SUGCT: variants seen among roughly 807,000 people sequenced by gnomAD.
The protein encoded by SUGCT is succinyl-CoA:glutarate CoA-transferase.
Under a neutral mutation model 55.0 loss-of-function variants are expected in SUGCT, and 41 were observed. The ratio of observed to expected loss-of-function variants is 0.74; its 90% CI spans 0.58 to 0.97. The LOEUF (loss-of-function observed/expected upper bound fraction) is 0.97. Among genes scored for constraint, SUGCT ranks in the 50% least tolerant of loss-of-function variants. The pLI is 0.00. For missense variants in SUGCT, 568 were observed against 547.8 expected (o/e 1.04, Z -0.37); for synonymous variants, 187 against 200.4 (o/e 0.93, Z 0.56).
the SUGCT span, among the ~76,000 whole-genome samples, chr7:40,938,067 G>A: frequency 6.6e-6 from 1 of 152,192 alleles, no homozygotes. Flanking sequence ...GTAATGCTCA[G>A]TCACTCACTG....
At chr7:40,924,202 A>G in the SUGCT span, among the ~76,000 whole-genome samples, 2 of 152,000 alleles carry the variant, frequency 1.3e-5, no homozygotes, top group African/African-American at 4.8e-5. Flanking sequence ...ATATTTTGTT[A>G]AAGCACCCCA....
chr7:40,951,952 G>A, the SUGCT span, among the ~76,000 whole-genome samples: 1 of 152,212 alleles, frequency 6.6e-6, no homozygotes, highest in Non-Finnish European at 1.5e-5. Flanking sequence ...GGAGAGTTCT[G>A]TAGATTTCTT....
chr7:40,724,575 T>A (rs1786518594), intron 12 of SUGCT, among the ~76,000 whole-genome samples: 1 of 150,652 alleles, frequency 6.6e-6, no homozygotes, highest in Admixed American at 6.6e-5. Flanking sequence ...AAAAAAAAGC[T>A]CTGGGGGTCT....
At chr7:40,992,662 TATGAAGTAG>T in the SUGCT span, among the ~76,000 whole-genome samples, 15,682 of 152,118 alleles carry the variant, frequency 0.1, 902 homozygotes, top group South Asian at 0.21. Context: ...AGGAGGTATG[TATGAAGTAG>T]TTCTGGTTAT....
Position 40,297,245 on chromosome 7 carries a change from T to C in SUGCT, c.721-19515T>C, listed in dbSNP as rs140094316. 3.3e-3 allele frequency among the ~76,000 whole-genome samples: 504 copies of C among 152,272 alleles called. 2 individuals are homozygous for C. The highest frequency in any genetic ancestry group is 0.02 in the Middle Eastern group (6 of 294). ...GCCCATTGGTTGCAGCAAAGCCTGA[T>C]TTTTACCTAAAGCGTTTACTTTTTG... On this transcript the variant is annotated intron_variant, in intron 8 of 13. Coordinates refer to ENST00000335693, the MANE Select transcript of SUGCT (RefSeq NM_001193313.2).
intron 1 of SUGCT, among the ~76,000 whole-genome samples, chr7:40,154,874 A>C (rs1783805091): frequency 6.6e-6 from 1 of 152,222 alleles, no homozygotes; most frequent in Non-Finnish European, 1.5e-5. Context: ...TAAAAATTAA[A>C]ATGCACATCT....
chr7:40,717,515 C>T (rs547375437), intron 12 of SUGCT, among the ~76,000 whole-genome samples: 21 of 152,314 alleles, frequency 1.4e-4, no homozygotes, highest in South Asian at 1.0e-3. Flanking sequence ...AAGCCCTGGG[C>T]AGGTTCCCTC....
chr7:40,994,794 A>T, the SUGCT span, among the ~76,000 whole-genome samples: 2 of 152,132 alleles, frequency 1.3e-5, no homozygotes, highest in Non-Finnish European at 2.9e-5. Context: ...TTTGGTGACA[A>T]GTGAGTGCTT....
At chr7:40,850,520 G>A (rs1793799483) in intron 13 of SUGCT, among the ~76,000 whole-genome samples, 1 of 152,102 alleles carries the variant, frequency 6.6e-6, no homozygotes, top group Non-Finnish European at 1.5e-5. Flanking sequence ...TCTGGTACAC[G>A]TCCTGATGCT....
At chr7:40,989,799 C>T in the SUGCT span, among the ~76,000 whole-genome samples, 28 of 152,046 alleles carry the variant, frequency 1.8e-4, no homozygotes, top group African/African-American at 6.7e-4. Context: ...AACAAAGAAG[C>T]AACTCCTCAT....
chr7:40,338,765 A>G (rs111451338), intron 9 of SUGCT, among the ~76,000 whole-genome samples: 2,443 of 152,298 alleles, frequency 0.016, 56 homozygotes, highest in South Asian at 0.06. Context: ...GTCATTCTCC[A>G]TTCAGCTTTG....
At chr7:40,862,179 GAAAATTCCTCTAAAATTTTC>G (rs1307794675), downstream of SUGCT, among the ~76,000 whole-genome samples, 4 of 152,158 alleles carry the variant, frequency 2.6e-5, no homozygotes, top group African/African-American at 9.7e-5. Flanking sequence ...AAAGAGGACA[GAAAATTCCTCTAAAATTTTC>G]AAAATTCCCC....
chr7:40,789,125 T>C (rs1790183111), intron 13 of SUGCT, among the ~76,000 whole-genome samples: 3 of 152,186 alleles, frequency 2.0e-5, no homozygotes, highest in Admixed American at 2.0e-4. Flanking sequence ...GTAAGAAAAC[T>C]TACCGTGAGA....
intron 12 of SUGCT, among the ~76,000 whole-genome samples, chr7:40,590,379 C>T (rs1797647137): frequency 6.6e-6 from 1 of 152,130 alleles, no homozygotes; most frequent in Non-Finnish European, 1.5e-5. Flanking sequence ...GCTTAGTGAA[C>T]AAAGCATGTA....
At chr7:40,411,316 C>T (rs558256491) in intron 9 of SUGCT, among the ~76,000 whole-genome samples, 133 of 152,304 alleles carry the variant, frequency 8.7e-4, no homozygotes, top group African/African-American at 3.2e-3. Flanking sequence ...TCGCTTGAGC[C>T]TGGGCAGCGG....
intron 12 of SUGCT, among the ~76,000 whole-genome samples, chr7:40,647,772 G>A (rs1185737086): frequency 4.6e-5 from 7 of 151,678 alleles, no homozygotes; most frequent in African/African-American, 7.3e-5. Flanking sequence ...AATCGCTTGA[G>A]CCCAGGAAGT....
chr7:40,868,706 C>T, the SUGCT span, among the ~76,000 whole-genome samples: 7 of 152,054 alleles, frequency 4.6e-5, no homozygotes, highest in Admixed American at 4.6e-4. Flanking sequence ...CCACCATGCA[C>T]AGCTAATTTT....
the SUGCT span, among the ~76,000 whole-genome samples, chr7:40,968,380 C>G: frequency 6.6e-6 from 1 of 152,198 alleles, no homozygotes; most frequent in African/African-American, 2.4e-5. Flanking sequence ...CTGCTTCCAG[C>G]ACAGCCTCAT....
At chr7:40,976,927 G>A in the SUGCT span, among the ~76,000 whole-genome samples, 4 of 152,136 alleles carry the variant, frequency 2.6e-5, no homozygotes, top group South Asian at 6.2e-4. Context: ...CTTGGTAGAA[G>A]GTACATAAAA....
Sources: allele counts gnomAD v4.1 joint callset (sites outside exome capture counted in the v4.1 genomes callset), GRCh38; gene constraint gnomAD v4.1.1; transcripts MANE v1.5; gene names NCBI Gene and HGNC (gene_info 2026-07-23, HGNC 2026-07-21).